Variants in SND1 observed in about 807,000 individuals in gnomAD.
The protein encoded by SND1 is staphylococcal nuclease domain-containing protein 1.
Under a neutral mutation model 121.7 loss-of-function variants are expected in SND1, and 38 were observed. The observed-to-expected ratio is 0.31, with a 90% CI of 0.24 to 0.41. The LOEUF (loss-of-function observed/expected upper bound fraction) is 0.41. Ranked by LOEUF, SND1 falls within the 10% of genes least tolerant of loss-of-function variation. The probability of loss-of-function intolerance (pLI) is 1.00; values close to 1 mark genes in which losing one functional copy is unlikely to be tolerated. For synonymous variants in SND1, 401 were observed against 447.4 expected (o/e 0.90, Z 1.31); for missense variants, 868 against 1,184.6 (o/e 0.73, Z 3.92).
intron 12 of SND1, chr7:127,858,183 C>A: frequency 1.3e-6 from 1 of 795,832 alleles, no homozygotes; most frequent in Non-Finnish European, 2.3e-6. Context: ...CACCCCAAAC[C>A]CTTCAGCCGC....
At chr7:127,689,059 A>G (rs1476621314) in intron 2 of SND1, among the ~76,000 whole-genome samples, 1 of 152,244 alleles carries the variant, frequency 6.6e-6, no homozygotes, top group Non-Finnish European at 1.5e-5. Flanking sequence ...GATTAAAATC[A>G]GTTCTTTTTC....
intron 10 of SND1, among the ~76,000 whole-genome samples, chr7:127,752,614 A>G (rs1056114522): frequency 2.0e-5 from 3 of 152,228 alleles, no homozygotes; most frequent in African/African-American, 7.2e-5. Context: ...AATGATAAAT[A>G]TGTAAGCAAA....
chr7:127,659,812 C>G (rs806170), intron 1 of SND1, among the ~76,000 whole-genome samples: 8,479 of 152,206 alleles, frequency 0.056, 686 homozygotes, highest in African/African-American at 0.18. Flanking sequence ...ACCTCAAACT[C>G]TCCTTTTCTC....
chr7:127,869,231 G>A (rs942963891), intron 12 of SND1, among the ~76,000 whole-genome samples: 12 of 152,156 alleles, frequency 7.9e-5, no homozygotes, highest in African/African-American at 2.7e-4. Context: ...AGAGACAGAG[G>A]TCTTATGGTC....
chr7:127,798,126 TATGCTGTGCACTGGAGA>T (rs1798059474), intron 10 of SND1, among the ~76,000 whole-genome samples: 1 of 152,180 alleles, frequency 6.6e-6, no homozygotes. Flanking sequence ...AATATAATCA[TATGCTGTGCACTGGAGA>T]TAACGGGTCA....
intron 16 of SND1, among the ~76,000 whole-genome samples, chr7:128,071,013 T>C (rs973901337): frequency 2.6e-5 from 4 of 152,220 alleles, no homozygotes; most frequent in Admixed American, 2.0e-4. Context: ...CAAGTGTCCT[T>C]CTCACAATCT....
intron 3 of SND1, among the ~76,000 whole-genome samples, chr7:127,697,689 C>T (rs913580744): frequency 6.6e-6 from 1 of 152,092 alleles, no homozygotes; most frequent in African/African-American, 2.4e-5. Flanking sequence ...GTATAAACTT[C>T]TCAGTTCAAC....
intron 15 of SND1, among the ~76,000 whole-genome samples, chr7:127,947,977 G>A (rs1211133214): frequency 6.6e-6 from 1 of 152,166 alleles, no homozygotes; most frequent in African/African-American, 2.4e-5. Flanking sequence ...ATGATCCTAT[G>A]AAGTCTGCAA....
intron 11 of SND1, among the ~76,000 whole-genome samples, chr7:127,823,564 C>T (rs191382054): frequency 6.6e-6 from 1 of 152,296 alleles, no homozygotes; most frequent in Admixed American, 6.5e-5. Flanking sequence ...CCAAGTTTCT[C>T]TGAAAGTCTC....
At chr7:127,814,316 T>A (rs1212998131) in intron 11 of SND1, among the ~76,000 whole-genome samples, 1 of 152,114 alleles carries the variant, frequency 6.6e-6, no homozygotes, top group Non-Finnish European at 1.5e-5. Flanking sequence ...GACAGGCTTT[T>A]TTTCCCACTT....
intron 16 of SND1, among the ~76,000 whole-genome samples, chr7:128,072,804 G>T (rs952867062): frequency 1.3e-5 from 2 of 152,186 alleles, no homozygotes; most frequent in Non-Finnish European, 2.9e-5. Flanking sequence ...TTGCAAGGTG[G>T]ATCCAAGGTG....
At chr7:127,805,708 A>T (rs1234101962) in intron 10 of SND1, among the ~76,000 whole-genome samples, 1 of 152,202 alleles carries the variant, frequency 6.6e-6, no homozygotes, top group African/African-American at 2.4e-5. Flanking sequence ...TGTTTACTTA[A>T]GAGTAGCGGC....
intron 10 of SND1, among the ~76,000 whole-genome samples, chr7:127,745,162 A>C (rs375530046): frequency 9.9e-5 from 15 of 152,180 alleles, no homozygotes; most frequent in Non-Finnish European, 1.5e-4. Flanking sequence ...TTTGACGCAC[A>C]AGTGTCATAG....
chr7:127,663,017 A>ACTACAGGTACAT (rs1795345740), intron 1 of SND1, among the ~76,000 whole-genome samples: 1 of 151,234 alleles, frequency 6.6e-6, no homozygotes, highest in Non-Finnish European at 1.5e-5. Flanking sequence ...CAGCCCGCTG[A>ACTACAGGTACAT]GTAGCTGGGA....
chr7:127,711,104 T>C (rs925589034), intron 9 of SND1, among the ~76,000 whole-genome samples: 2 of 152,236 alleles, frequency 1.3e-5, no homozygotes, highest in Non-Finnish European at 2.9e-5. Flanking sequence ...CTTTGCAACC[T>C]GCATCAATCT....
intron 12 of SND1, among the ~76,000 whole-genome samples, chr7:127,850,556 C>T (rs1799147418): frequency 6.6e-6 from 1 of 152,152 alleles, no homozygotes; most frequent in Non-Finnish European, 1.5e-5. Context: ...TAATCATAGT[C>T]AATGAAAAGA....
intron 11 of SND1, among the ~76,000 whole-genome samples, chr7:127,808,331 T>A (rs989339938): frequency 7.2e-5 from 11 of 151,908 alleles, no homozygotes; most frequent in African/African-American, 2.7e-4. Context: ...CCTGGCTAAT[T>A]TTTGTATTTT....
intron 14 of SND1, among the ~76,000 whole-genome samples, chr7:127,926,309 T>C (rs887392877): frequency 1.3e-5 from 2 of 151,858 alleles, no homozygotes; most frequent in African/African-American, 2.4e-5. Context: ...CATCTTTGGG[T>C]TCTTATAATC....
chr7:127,798,962 A>T (rs1584581615), intron 10 of SND1, among the ~76,000 whole-genome samples: 1 of 149,100 alleles, frequency 6.7e-6, no homozygotes, highest in Non-Finnish European at 1.5e-5. Context: ...TGGAAGGATC[A>T]TGTGAGCCTG....
Sources: allele counts gnomAD v4.1 joint callset (sites outside exome capture counted in the v4.1 genomes callset), GRCh38; gene constraint gnomAD v4.1.1; transcripts MANE v1.5; gene names NCBI Gene and HGNC (gene_info 2026-07-23, HGNC 2026-07-21).